FAM135B: variants seen among roughly 807,000 people sequenced by gnomAD.
FAM135B encodes the protein protein FAM135B.
A neutral mutation model predicts 127.7 loss-of-function variants in FAM135B; 43 were observed. That is an observed-to-expected ratio of 0.34 (90% confidence interval 0.26 to 0.43). FAM135B has a LOEUF of 0.43. Among genes scored for constraint, FAM135B ranks in the 20% least tolerant of loss-of-function variants. The pLI is 1.00. For synonymous variants in FAM135B, 670 were observed against 665.1 expected, an observed-to-expected ratio of 1.01 and a Z score of -0.11; for missense variants, 1,558 against 1,725.6, an observed-to-expected ratio of 0.90 and a Z score of 1.72.
At chr8:138,203,722 G>A (rs1817337590) in intron 7 of FAM135B, among the ~76,000 whole-genome samples, 1 of 152,086 alleles carries the variant, frequency 6.6e-6, no homozygotes, top group South Asian at 2.1e-4. Flanking sequence ...TATGGGGGAT[G>A]GTTTTGGGAT....
intron 2 of FAM135B, among the ~76,000 whole-genome samples, chr8:138,345,108 G>C (rs942636068): frequency 6.6e-6 from 1 of 152,134 alleles, no homozygotes; most frequent in African/African-American, 2.4e-5. Context: ...AGTGGAGGAT[G>C]AGGGTCAGAA....
rs540243042 is a variant in FAM135B, at chr8:138,131,258, A to G, written c.*1335T>C. The G allele has an allele frequency of 8.8e-4, 134 of 152,180 alleles. No individual in the cohort carries two copies. Among genetic ancestry groups the G allele is most frequent in the African/African-American group, 3.2e-3 (133 of 41,454 alleles). 9.4% of individuals were successfully genotyped at this position (152,180 alleles called of 1,614,324 possible). A position where few individuals can be genotyped will look rare whatever the true frequency, so the allele number is the denominator to read the frequency against. On this transcript the variant is annotated 3_prime_UTR_variant, in exon 20 of 20. Transcript: ENST00000395297. ...CAGGAGCTTTCATCTCCAAAAGATT[A>G]GGCTCCTGTCTTACTTATCCCTACT...
chr8:138,329,401 C>T (rs1287918112), intron 2 of FAM135B, among the ~76,000 whole-genome samples: 1 of 152,178 alleles, frequency 6.6e-6, no homozygotes, highest in Non-Finnish European at 1.5e-5. Flanking sequence ...TGAAAACTCC[C>T]AGGTGTCTGA....
rs1229159108 is a variant in FAM135B at position 138,140,500 on chromosome 8, G to T, written c.3790+698C>A. ...CCTCCTCAGTAAAATCTCATGAGTAGTATCTACAAGGTCTACAGGGTAAGT... is the reference window on the plus strand; with the variant it reads ...CCTCCTCAGTAAAATCTCATGAGTATTATCTACAAGGTCTACAGGGTAAGT... On this transcript the variant is annotated intron_variant, in intron 17 of 19. Transcript: ENST00000395297. 2.6e-5 allele frequency among the ~76,000 whole-genome samples: 4 copies of T among 152,286 alleles called. No individual in the cohort carries two copies. In the East Asian group the frequency reaches 7.7e-4, roughly 29 times the overall value.
At chr8:138,142,293 T>G (rs1231773301) in intron 16 of FAM135B, among the ~76,000 whole-genome samples, 1 of 60,958 alleles carries the variant, frequency 1.6e-5, no homozygotes, top group African/African-American at 6.4e-5. Flanking sequence ...TTCTTCTTTT[T>G]TTTTTTTTTT....
chr8:138,367,589 G>C (rs926387388), intron 2 of FAM135B, among the ~76,000 whole-genome samples: 2 of 152,090 alleles, frequency 1.3e-5, no homozygotes, highest in African/African-American at 4.8e-5. Context: ...ACACAGGCAA[G>C]CTTCATTTTC....
At chr8:138,173,559 A>G (rs1031034727) in intron 11 of FAM135B, among the ~76,000 whole-genome samples, 1 of 152,210 alleles carries the variant, frequency 6.6e-6, no homozygotes, top group Non-Finnish European at 1.5e-5. Context: ...TCATGTGAAC[A>G]TTAAACGAGC....
intron 12 of FAM135B, among the ~76,000 whole-genome samples, chr8:138,167,200 T>A (rs553275167): frequency 6.6e-6 from 1 of 152,208 alleles, no homozygotes; most frequent in African/African-American, 2.4e-5. Context: ...TTATTATTAT[T>A]TTTTTATTTT....
intron 1 of FAM135B, among the ~76,000 whole-genome samples, chr8:138,382,703 A>G (rs1831935400): frequency 1.3e-5 from 2 of 150,492 alleles, no homozygotes; most frequent in Non-Finnish European, 1.5e-5. Flanking sequence ...GAGAGCACTC[A>G]GAGTAGCTGC....
At chr8:138,393,256 C>G (rs1587335003) in intron 1 of FAM135B, among the ~76,000 whole-genome samples, 1 of 152,102 alleles carries the variant, frequency 6.6e-6, no homozygotes, top group Non-Finnish European at 1.5e-5. Context: ...GGACATAGAG[C>G]CAAACCACAT....
At chr8:138,145,307 C>T (rs1172199867) in intron 15 of FAM135B, among the ~76,000 whole-genome samples, 1 of 152,154 alleles carries the variant, frequency 6.6e-6, no homozygotes, top group Non-Finnish European at 1.5e-5. Context: ...CGAGCCACCG[C>T]GCCCAGCCAT....
Position 138,398,636 on chromosome 8 carries a change from G to A in FAM135B, c.-19-30634C>T, listed in dbSNP as rs546555813. Among the ~76,000 whole-genome samples, 5 of 152,280 alleles carry A rather than the reference G, an allele frequency of 3.3e-5. 1 individual carries two copies. In the East Asian group the frequency reaches 5.8e-4, roughly 18 times the overall value. On this transcript the variant is annotated intron_variant, in intron 1 of 19. Coordinates refer to ENST00000395297, the MANE Select transcript of FAM135B (RefSeq NM_015912.4). ...CAGACATTAGAAGCTGCATGTGGGAGGAAGTGGCATAGGGAGCAGAGAACA... is the reference window on the plus strand; with the variant it reads ...CAGACATTAGAAGCTGCATGTGGGAAGAAGTGGCATAGGGAGCAGAGAACA...
At position 138,295,102 on chromosome 8, in the gene FAM135B, C is replaced by CTTTTTT. The variant is rs527258472; in HGVS notation, c.157+15733_157+15738dup. ...AATGTCAATACCACCCTTGCTGGTGCTTTTTTTTTTTTTTTTTTTTTTTTT... is the reference window on the plus strand; with the variant it reads ...AATGTCAATACCACCCTTGCTGGTGCTTTTTTTTTTTTTTTTTTTTTTTTTTTTTTT... On this transcript the variant is annotated intron_variant, in intron 3 of 19. Transcript: ENST00000395297. Among the ~76,000 whole-genome samples the CTTTTTT allele has an allele frequency of 3.6e-5, 3 of 82,214 alleles. 1 individual carries two copies. Among genetic ancestry groups the CTTTTTT allele is most frequent in the African/African-American group, 1.5e-4 (3 of 20,162 alleles). The allele number at this position is 82,214 out of a possible 152,430, so 53.9% of individuals were successfully genotyped here. A position where few individuals can be genotyped will look rare whatever the true frequency, so the allele number is the denominator to read the frequency against.
chr8:138,458,826 G>A (rs1271927982), intron 1 of FAM135B, among the ~76,000 whole-genome samples: 1 of 152,196 alleles, frequency 6.6e-6, no homozygotes, highest in African/African-American at 2.4e-5. Flanking sequence ...GTTCTCTGCT[G>A]TTGTAGAAGT....
intron 1 of FAM135B, among the ~76,000 whole-genome samples, chr8:138,413,887 G>A (rs960271367): frequency 6.6e-6 from 1 of 151,864 alleles, no homozygotes; most frequent in Admixed American, 6.6e-5. Flanking sequence ...AACCTGGGGG[G>A]GTGGGTGACA....
intron 19 of FAM135B, among the ~76,000 whole-genome samples, chr8:138,134,518 A>G (rs1816467603): frequency 6.6e-6 from 1 of 152,160 alleles, no homozygotes; most frequent in Admixed American, 6.5e-5. Flanking sequence ...AAACTCTTAT[A>G]TGTTTTCTCA....
chr8:138,205,136 C>T (rs998249340), intron 7 of FAM135B, among the ~76,000 whole-genome samples: 11 of 152,166 alleles, frequency 7.2e-5, no homozygotes, highest in African/African-American at 2.4e-4. Context: ...TATTATTTGA[C>T]TCTTAAATGT....
intron 11 of FAM135B, among the ~76,000 whole-genome samples, chr8:138,172,658 GA>G (rs1820569781): frequency 6.6e-6 from 1 of 152,152 alleles, no homozygotes; most frequent in African/African-American, 2.4e-5. Flanking sequence ...TCATTGTATA[GA>G]AAGTCCCCAG....
At chr8:138,237,886 A>AC (rs1820426758) in intron 7 of FAM135B, among the ~76,000 whole-genome samples, 1 of 151,936 alleles carries the variant, frequency 6.6e-6, no homozygotes, top group African/African-American at 2.4e-5. Context: ...CACATTCACA[A>AC]ACACACATAT....
Sources: allele counts gnomAD v4.1 joint callset (sites outside exome capture counted in the v4.1 genomes callset), GRCh38; gene constraint gnomAD v4.1.1; transcripts MANE v1.5; gene names NCBI Gene and HGNC (gene_info 2026-07-23, HGNC 2026-07-21).